Variants in SEMA3E observed in about 807,000 individuals in gnomAD.
SEMA3E encodes the protein semaphorin 3E.
Under a neutral mutation model 93.6 loss-of-function variants are expected in SEMA3E, and 49 were observed. The ratio of observed to expected loss-of-function variants is 0.52; its 90% CI spans 0.42 to 0.66. The LOEUF (loss-of-function observed/expected upper bound fraction) is 0.66. Ranked by LOEUF, SEMA3E falls within the 30% of genes least tolerant of loss-of-function variation. SEMA3E has a pLI of 0.00. For synonymous variants in SEMA3E, 363 were observed against 330.7 expected, an observed-to-expected ratio of 1.10 and a Z score of -1.06; for missense variants, 906 against 964.8, an observed-to-expected ratio of 0.94 and a Z score of 0.81.
chr7:83,426,624 A>T (rs541635155), intron 4 of SEMA3E, among the ~76,000 whole-genome samples: 10 of 152,300 alleles, frequency 6.6e-5, no homozygotes, highest in Admixed American at 6.5e-4. Flanking sequence ...ACCCCAGTAC[A>T]TATACACATG....
chr7:83,472,895 C>G (rs905867025), intron 2 of SEMA3E, among the ~76,000 whole-genome samples: 3 of 152,112 alleles, frequency 2.0e-5, no homozygotes, highest in Non-Finnish European at 4.4e-5. Flanking sequence ...AGGGGCTGTT[C>G]CCCCTTGGCT....
chr7:83,491,926 G>A (rs559913863), intron 1 of SEMA3E, among the ~76,000 whole-genome samples: 1 of 152,122 alleles, frequency 6.6e-6, no homozygotes, highest in Non-Finnish European at 1.5e-5. Flanking sequence ...GAGAAGCACA[G>A]GTTGGGATCC....
intron 1 of SEMA3E, among the ~76,000 whole-genome samples, chr7:83,565,695 G>A (rs1792133471): frequency 1.3e-5 from 2 of 152,074 alleles, no homozygotes; most frequent in African/African-American, 4.8e-5. Context: ...ACTTGAGGGT[G>A]TTTCTGCTAC....
At chr7:83,626,848 C>T (rs1272242510) in intron 1 of SEMA3E, among the ~76,000 whole-genome samples, 2 of 151,994 alleles carry the variant, frequency 1.3e-5, no homozygotes, top group Admixed American at 1.3e-4. Context: ...GATTTAGTGC[C>T]ATAAATTTCC....
rs1035148140 is a variant in SEMA3E at position 83,490,247 on chromosome 7, A to G, written c.143T>C (p.Ile48Thr). Reference sequence around the variant, plus strand: ...AAGAAATCCAAAAGGGCTATGAAATATTGATGTTCTGTTCAGATTCAAGAG... The same window carrying G: ...AAGAAATCCAAAAGGGCTATGAAATGTTGATGTTCTGTTCAGATTCAAGAG... ...KELLNLNRTS[I>T]FHSPFGFLDL... The change falls in exon 2 of 17, where the codon ATA becomes ACA. Residue 48 changes from isoleucine (I) to threonine (T), a missense_variant. Ile to Thr is a moderately conservative substitution (Grantham distance 89). Coordinates refer to ENST00000643230, the MANE Select transcript of SEMA3E (RefSeq NM_012431.3). The G allele has an allele frequency of 6.2e-7, 1 of 1,612,758 alleles. No homozygotes were observed. Among genetic ancestry groups the G allele is most frequent in the Non-Finnish European group, 8.5e-7 (1 of 1,179,360 alleles).
At chr7:83,399,468 T>C (rs1788193583) in intron 11 of SEMA3E, among the ~76,000 whole-genome samples, 1 of 152,194 alleles carries the variant, frequency 6.6e-6, no homozygotes, top group Admixed American at 6.5e-5. Context: ...TAAGAATTGC[T>C]GTGTTTAGAG....
At chr7:83,422,863 GAATTTTA>G (rs1788692432) in intron 4 of SEMA3E, among the ~76,000 whole-genome samples, 1 of 152,190 alleles carries the variant, frequency 6.6e-6, no homozygotes, top group Non-Finnish European at 1.5e-5. Flanking sequence ...AAAACTGAAA[GAATTTTA>G]AGATCAAGAG....
chr7:83,463,847 A>T (rs1562793716), intron 4 of SEMA3E, among the ~76,000 whole-genome samples: 1 of 152,050 alleles, frequency 6.6e-6, no homozygotes, highest in South Asian at 2.1e-4. Flanking sequence ...TTCCCTACAC[A>T]TCAAGCTCGA....
At chr7:83,546,824 G>T (rs1791661388) in intron 1 of SEMA3E, among the ~76,000 whole-genome samples, 1 of 152,030 alleles carries the variant, frequency 6.6e-6, no homozygotes, top group African/African-American at 2.4e-5. Flanking sequence ...AGATATGGCT[G>T]ATTTGTGTCA....
At chr7:83,513,323 C>T (rs938035124) in intron 1 of SEMA3E, among the ~76,000 whole-genome samples, 3 of 152,156 alleles carry the variant, frequency 2.0e-5, no homozygotes, top group Non-Finnish European at 4.4e-5. Flanking sequence ...TGACAAATTT[C>T]CTGGACAGCA....
intron 1 of SEMA3E, among the ~76,000 whole-genome samples, chr7:83,554,187 A>T (rs1203916313): frequency 6.6e-6 from 1 of 152,132 alleles, no homozygotes; most frequent in African/African-American, 2.4e-5. Flanking sequence ...TTGTACATGG[A>T]TTTTCACCTT....
intron 1 of SEMA3E, among the ~76,000 whole-genome samples, chr7:83,568,680 T>A (rs1792212873): frequency 6.6e-6 from 1 of 152,132 alleles, no homozygotes; most frequent in Non-Finnish European, 1.5e-5. Flanking sequence ...CATTTCTTTG[T>A]GATAAATACT....
At chr7:83,579,065 T>C (rs959540543) in intron 1 of SEMA3E, among the ~76,000 whole-genome samples, 6 of 152,136 alleles carry the variant, frequency 3.9e-5, no homozygotes, top group African/African-American at 1.4e-4. Flanking sequence ...TGTATAGATT[T>C]CAAAAGAGAG....
chr7:83,415,823 G>C (rs1371834913), intron 5 of SEMA3E, among the ~76,000 whole-genome samples: 2 of 151,922 alleles, frequency 1.3e-5, no homozygotes, highest in Non-Finnish European at 2.9e-5. Flanking sequence ...ATTAAACATT[G>C]TGTGACATAT....
chr7:83,634,147 A>T (rs558106475), intron 1 of SEMA3E, among the ~76,000 whole-genome samples: 5 of 152,308 alleles, frequency 3.3e-5, no homozygotes, highest in Admixed American at 3.3e-4. Context: ...GTTGACTAAT[A>T]TAAAAACTTA....
At chr7:83,480,707 A>AT (rs780437116) in intron 2 of SEMA3E, among the ~76,000 whole-genome samples, 1 of 152,154 alleles carries the variant, frequency 6.6e-6, no homozygotes, top group Non-Finnish European at 1.5e-5. Flanking sequence ...TACTGAATCT[A>AT]TTTAAGTCTT....
intron 12 of SEMA3E, among the ~76,000 whole-genome samples, chr7:83,396,268 GT>G (rs1788120679): frequency 6.6e-6 from 1 of 151,840 alleles, no homozygotes; most frequent in African/African-American, 2.4e-5. Flanking sequence ...ATAAAAAGCA[GT>G]ATGCTTATCT....
intron 4 of SEMA3E, among the ~76,000 whole-genome samples, chr7:83,430,790 C>T (rs1788864675): frequency 6.6e-6 from 1 of 152,076 alleles, no homozygotes; most frequent in African/African-American, 2.4e-5. Context: ...CACATGTATA[C>T]CTATGTAGCA....
intron 1 of SEMA3E, among the ~76,000 whole-genome samples, chr7:83,584,407 A>T (rs1000238858): frequency 1.3e-5 from 2 of 152,190 alleles, no homozygotes; most frequent in Non-Finnish European, 2.9e-5. Flanking sequence ...ATTTATTTCC[A>T]AATTAATGAT....
Sources: allele counts gnomAD v4.1 joint callset (sites outside exome capture counted in the v4.1 genomes callset), GRCh38; gene constraint gnomAD v4.1.1; transcripts MANE v1.5; gene names NCBI Gene and HGNC (gene_info 2026-07-23, HGNC 2026-07-21).